The following SENP7 variants were observed in gnomAD, a reference collection of about 807,000 sequenced individuals.
SENP7 encodes sentrin-specific protease 7.
Under a neutral mutation model 141.2 loss-of-function variants are expected in SENP7, and 64 were observed. That is an observed-to-expected ratio of 0.45 (90% CI 0.37 to 0.56). The LOEUF (loss-of-function observed/expected upper bound fraction) is 0.56. Among genes scored for constraint, SENP7 ranks in the 20% least tolerant of loss-of-function variants. The pLI is 0.00. For missense variants in SENP7, 1,025 were observed against 1,212.2 expected, an observed-to-expected ratio of 0.85 and a Z score of 2.29; for synonymous variants, 382 against 426.4, an observed-to-expected ratio of 0.90 and a Z score of 1.28.
intron 3 of SENP7, among the ~76,000 whole-genome samples, chr3:101,477,619 T>C (rs558245100): frequency 6.6e-6 from 1 of 152,106 alleles, no homozygotes; most frequent in South Asian, 2.1e-4. Flanking sequence ...GGGAGGCTGA[T>C]GTGGGTGGAT....
intron 4 of SENP7, among the ~76,000 whole-genome samples, chr3:101,455,657 T>C (rs901649403): frequency 6.6e-6 from 1 of 152,124 alleles, no homozygotes; most frequent in Non-Finnish European, 1.5e-5. Flanking sequence ...AAAACCAAAC[T>C]GGTTCTCTTC....
At chr3:101,402,050 G>C (rs1489113968) in intron 5 of SENP7, among the ~76,000 whole-genome samples, 3 of 151,112 alleles carry the variant, frequency 2.0e-5, no homozygotes, top group Non-Finnish European at 4.4e-5. Flanking sequence ...GCAAGGTGAA[G>C]CAGCAAGTAC....
chr3:101,351,476 A>T, intron 12 of SENP7, 142 bp downstream of exon 12: 1 of 574,162 alleles, frequency 1.7e-6, no homozygotes, highest in Non-Finnish European at 2.7e-6. Context: ...CGATTTTCAG[A>T]ACAAGTCCAT....
chr3:101,451,838 A>G (rs936148068), intron 4 of SENP7, among the ~76,000 whole-genome samples: 1 of 152,232 alleles, frequency 6.6e-6, no homozygotes, highest in Admixed American at 6.5e-5. Flanking sequence ...CTCCTATTCA[A>G]CATTGTGTTG....
chr3:101,365,243 T>C (rs986077678), intron 9 of SENP7, among the ~76,000 whole-genome samples: 3 of 151,718 alleles, frequency 2.0e-5, no homozygotes, highest in African/African-American at 4.8e-5. Context: ...CCTCAGGTGA[T>C]CCTCCTGCCT....
At chr3:101,379,141 G>A (rs1318404096) in intron 6 of SENP7, among the ~76,000 whole-genome samples, 1 of 152,108 alleles carries the variant, frequency 6.6e-6, no homozygotes, top group Non-Finnish European at 1.5e-5. Flanking sequence ...GGAAAGGGCA[G>A]CCTTTTCAAC....
At chr3:101,367,644 ACT>A (rs773690723) in intron 8 of SENP7, among the ~76,000 whole-genome samples, 184 bp downstream of exon 8, 10 of 152,146 alleles carry the variant, frequency 6.6e-5, no homozygotes, top group Non-Finnish European at 1.0e-4. Flanking sequence ...TGTTCCAATA[ACT>A]CTGTATCACC....
intron 10 of SENP7, among the ~76,000 whole-genome samples, chr3:101,362,555 T>C (rs1465003021): frequency 2.0e-5 from 3 of 152,178 alleles, no homozygotes; most frequent in Non-Finnish European, 2.9e-5. Flanking sequence ...TGGGCTTCTA[T>C]TGAACCTGTC....
intron 3 of SENP7, among the ~76,000 whole-genome samples, chr3:101,471,355 A>G (rs1206307751): frequency 2.0e-5 from 3 of 152,238 alleles, no homozygotes; most frequent in Non-Finnish European, 4.4e-5. Context: ...CCACACATTT[A>G]CAATCATCTG....
chr3:101,403,984 G>A (rs1020210821), intron 5 of SENP7, among the ~76,000 whole-genome samples: 2 of 151,984 alleles, frequency 1.3e-5, no homozygotes, highest in Non-Finnish European at 2.9e-5. Context: ...TATTAAAATG[G>A]CCATATATCC....
intron 4 of SENP7, among the ~76,000 whole-genome samples, chr3:101,449,589 A>T (rs1226245031): frequency 6.6e-6 from 1 of 152,136 alleles, no homozygotes; most frequent in Non-Finnish European, 1.5e-5. Context: ...AAAAGAATTT[A>T]CAACCCAGAA....
intron 3 of SENP7, among the ~76,000 whole-genome samples, chr3:101,474,392 T>G (rs1298814182): frequency 3.3e-5 from 5 of 152,194 alleles, no homozygotes; most frequent in African/African-American, 1.2e-4. Context: ...GAAGAGATCT[T>G]TCACCTCCCT....
At chr3:101,351,459 T>C (rs1367740906) in intron 12 of SENP7, among the ~76,000 whole-genome samples, 159 bp downstream of exon 12, 2 of 151,866 alleles carry the variant, frequency 1.3e-5, no homozygotes, top group Non-Finnish European at 2.9e-5. Context: ...ATTAAAACAA[T>C]AGCATACGAT....
chr3:101,483,816 G>C (rs1041463801), intron 3 of SENP7, among the ~76,000 whole-genome samples: 8 of 152,174 alleles, frequency 5.3e-5, no homozygotes, highest in African/African-American at 1.9e-4. Context: ...GAAGTCAGGA[G>C]TTTGAGACCA....
chr3:101,407,673 T>C (rs1384905290), intron 5 of SENP7, among the ~76,000 whole-genome samples: 1 of 152,162 alleles, frequency 6.6e-6, no homozygotes, highest in African/African-American at 2.4e-5. Flanking sequence ...TTAAATAACC[T>C]GCTCCTGGTG....
At chr3:101,416,217 C>T (rs981740749) in intron 5 of SENP7, among the ~76,000 whole-genome samples, 11 of 151,732 alleles carry the variant, frequency 7.2e-5, no homozygotes, top group African/African-American at 2.7e-4. Flanking sequence ...TAAAACACAG[C>T]AAAAAACAAA....
intron 1 of SENP7, among the ~76,000 whole-genome samples, chr3:101,506,818 C>T (rs2065635027): frequency 1.3e-5 from 2 of 152,140 alleles, no homozygotes; most frequent in Non-Finnish European, 2.9e-5. Flanking sequence ...TTTGGGAAGC[C>T]GAGGTGGGAG....
intron 18 of SENP7, 30 bp from the exon 19 acceptor site, chr3:101,332,139 C>T (rs772086574): frequency 8.7e-6 from 14 of 1,602,522 alleles, no homozygotes; most frequent in Admixed American, 1.7e-5. Context: ...ATCTTAATAC[C>T]ATGCAAAGTC....
chr3:101,419,340 G>A (rs72942230), intron 4 of SENP7, among the ~76,000 whole-genome samples: 16,042 of 152,116 alleles, frequency 0.11, 1,051 homozygotes, highest in African/African-American at 0.19. Flanking sequence ...CAACAACAAT[G>A]GAAATCCACT....
Sources: allele counts gnomAD v4.1 joint callset (sites outside exome capture counted in the v4.1 genomes callset), GRCh38; gene constraint gnomAD v4.1.1; transcripts MANE v1.5; gene names NCBI Gene and HGNC (gene_info 2026-07-23, HGNC 2026-07-21).